The following NRG1 variants were observed in gnomAD, a reference collection of about 807,000 sequenced individuals.
The protein encoded by NRG1 is pro-neuregulin-1, membrane-bound isoform.
Under a neutral mutation model 63.8 loss-of-function variants are expected in NRG1, and 18 were observed. The ratio of observed to expected loss-of-function variants is 0.28; its 90% CI spans 0.19 to 0.42. The LOEUF (loss-of-function observed/expected upper bound fraction) is 0.42, where lower values mean the gene tolerates loss of function less well. NRG1 is among the 10% of genes least tolerant of loss of function. The probability of loss-of-function intolerance (pLI) is 1.00; values close to 1 mark genes in which losing one functional copy is unlikely to be tolerated. For missense variants in NRG1, 762 were observed against 814.7 expected (o/e 0.94, Z 0.79); for synonymous variants, 302 against 301.3 (o/e 1.00, Z -0.02).
At chr8:32,758,676 A>G (rs899958732) in intron 9 of NRG1, among the ~76,000 whole-genome samples, 27 of 151,926 alleles carry the variant, frequency 1.8e-4, no homozygotes, top group African/African-American at 5.8e-4. Context: ...TGTCCTCCAT[A>G]TATTATGTGC....
intron 1 of NRG1, among the ~76,000 whole-genome samples, chr8:31,678,660 T>C (rs1049851607): frequency 6.6e-6 from 1 of 150,566 alleles, no homozygotes; most frequent in African/African-American, 2.4e-5. Context: ...TATCTTCCTA[T>C]ATTCTATATT....
intron 1 of NRG1, among the ~76,000 whole-genome samples, chr8:32,047,578 T>G (rs566726880): frequency 6.6e-6 from 1 of 152,142 alleles, no homozygotes; most frequent in South Asian, 2.1e-4. Context: ...CTGAAAAGTG[T>G]GGCTGAGGTT....
At chr8:32,371,953 C>T (rs1197065835) in intron 1 of NRG1, among the ~76,000 whole-genome samples, 3 of 138,838 alleles carry the variant, frequency 2.2e-5, no homozygotes, top group East Asian at 3.9e-4. Context: ...CGATTTACCA[C>T]AATTTTTTTC....
rs576330252 is a variant in NRG1 at position 32,122,616 on chromosome 8, T to TTTATTA, written c.38-473192_38-473187dup. ...TGTTGTTTGATTTGGTTAAGAACTT[T>TTTATTA]TTATTATTATTATTATTATTATTAT... On this transcript the variant is annotated intron_variant, in intron 1 of 10. Coordinates refer to the NRG1 transcript ENST00000519301. 5.3e-3 allele frequency among the ~76,000 whole-genome samples: 792 copies of TTTATTA among 150,642 alleles called. 4 individuals are homozygous for TTTATTA. The highest frequency in any genetic ancestry group is 0.01 in the African/African-American group (423 of 41,184).
intron 1 of NRG1, among the ~76,000 whole-genome samples, chr8:31,680,877 C>G (rs554404114): frequency 6.6e-6 from 1 of 152,256 alleles, no homozygotes; most frequent in African/African-American, 2.4e-5. Context: ...CTCATTCCTG[C>G]CCGCACACAG....
chr8:32,272,972 G>A (rs532353032), intron 1 of NRG1, among the ~76,000 whole-genome samples: 55 of 152,252 alleles, frequency 3.6e-4, no homozygotes, highest in African/African-American at 1.1e-3. Context: ...GGGCTGGAGC[G>A]TTGTTTTTTG....
intron 1 of NRG1, among the ~76,000 whole-genome samples, chr8:32,241,014 A>G (rs1481733): frequency 0.75 from 113,381 of 151,928 alleles, 43,378 homozygotes; most frequent in African/African-American, 0.91. Context: ...GAAAAAGGAA[A>G]GATGGGACTC....
At chr8:32,016,039 G>GA (rs2130076890) in intron 1 of NRG1, among the ~76,000 whole-genome samples, 2 of 152,204 alleles carry the variant, frequency 1.3e-5, no homozygotes, top group African/African-American at 4.8e-5. Flanking sequence ...AGTCTGAAAT[G>GA]AAACACTTAG....
At chr8:32,070,758 A>T (rs73241633) in intron 1 of NRG1, among the ~76,000 whole-genome samples, 5 of 152,138 alleles carry the variant, frequency 3.3e-5, no homozygotes, top group African/African-American at 1.2e-4. Context: ...AGCAGAGTGT[A>T]TTTTTTACAG....
intron 1 of NRG1, among the ~76,000 whole-genome samples, chr8:32,079,642 A>G (rs1563762108): frequency 6.6e-6 from 1 of 152,196 alleles, no homozygotes; most frequent in South Asian, 2.1e-4. Context: ...CTGAAGTAAA[A>G]TATGCTCATA....
At chr8:32,561,422 A>C (rs1836370292) in intron 1 of NRG1, among the ~76,000 whole-genome samples, 1 of 152,218 alleles carries the variant, frequency 6.6e-6, no homozygotes, top group African/African-American at 2.4e-5. Context: ...GATGACCATA[A>C]AATAAGTAGT....
At chr8:32,487,150 T>A (rs1407933348) in intron 1 of NRG1, among the ~76,000 whole-genome samples, 44 of 143,736 alleles carry the variant, frequency 3.1e-4, no homozygotes, top group Non-Finnish European at 3.5e-4. Flanking sequence ...CCACTATTGA[T>A]AAAAAAAAAA....
intron 1 of NRG1, among the ~76,000 whole-genome samples, chr8:31,952,882 C>A (rs1586027992): frequency 6.6e-6 from 1 of 152,306 alleles, no homozygotes; most frequent in South Asian, 2.1e-4. Flanking sequence ...ATGAGATAAA[C>A]ACTAACATTA....
intron 1 of NRG1, among the ~76,000 whole-genome samples, chr8:31,656,326 A>G (rs1249001833): frequency 1.3e-5 from 2 of 152,202 alleles, no homozygotes; most frequent in Non-Finnish European, 1.5e-5. Flanking sequence ...GACAGAGCCC[A>G]AACCAGGACT....
chr8:32,479,775 G>A (rs1425612602), intron 1 of NRG1, among the ~76,000 whole-genome samples: 1 of 151,934 alleles, frequency 6.6e-6, no homozygotes, highest in African/African-American at 2.4e-5. Flanking sequence ...TCAGCCTCCC[G>A]AGTAGCTGGG....
At chr8:31,674,014 T>C (rs1807425947) in intron 1 of NRG1, among the ~76,000 whole-genome samples, 1 of 152,224 alleles carries the variant, frequency 6.6e-6, no homozygotes, top group Admixed American at 6.5e-5. Context: ...TTACCTTTTC[T>C]AGACATTTCA....
At position 31,851,812 on chromosome 8, in the gene NRG1, T is replaced by A. The variant is rs917023256; in HGVS notation, c.37+212381T>A. On this transcript the variant is annotated intron_variant, in intron 1 of 10. Coordinates refer to the NRG1 transcript ENST00000519301. ...TGTGATGTTCCCCTTCCTGTGTCCA[T>A]GTGTTCTCATTGTTCAATTCCCACC... Among the ~76,000 whole-genome samples, 7 of 140,174 alleles carry A rather than the reference T, an allele frequency of 5.0e-5. No individual in the cohort carries two copies. In the Admixed American group the frequency reaches 5.5e-4, roughly 11 times the overall value. The allele number at this position is 140,174 out of a possible 152,430, so 92.0% of individuals were successfully genotyped here. A position where few individuals can be genotyped will look rare whatever the true frequency, so the allele number is the denominator to read the frequency against.
At chr8:32,681,065 A>G (rs1808487744) in intron 5 of NRG1, among the ~76,000 whole-genome samples, 1 of 152,190 alleles carries the variant, frequency 6.6e-6, no homozygotes, top group African/African-American at 2.4e-5. Context: ...TCTGTATTAA[A>G]TAATGCTGGC....
intron 1 of NRG1, among the ~76,000 whole-genome samples, chr8:32,303,032 A>C (rs1855757710): frequency 6.6e-6 from 1 of 151,912 alleles, no homozygotes; most frequent in South Asian, 2.1e-4. Context: ...AAATACAAAA[A>C]TTAGCCGGGC....
Sources: allele counts gnomAD v4.1 joint callset (sites outside exome capture counted in the v4.1 genomes callset), GRCh38; gene constraint gnomAD v4.1.1; transcripts MANE v1.5; gene names NCBI Gene and HGNC (gene_info 2026-07-23, HGNC 2026-07-21).